The following PPM1H variants were observed in gnomAD, a reference collection of about 807,000 sequenced individuals.
The protein encoded by PPM1H is protein phosphatase, Mg2+/Mn2+ dependent 1H.
Under a neutral mutation model 54.9 loss-of-function variants are expected in PPM1H, and 27 were observed. That is an observed-to-expected ratio of 0.49 (90% CI 0.36 to 0.68). The LOEUF (loss-of-function observed/expected upper bound fraction) is 0.68, where lower values mean the gene tolerates loss of function less well. Ranked by LOEUF, PPM1H falls within the 30% of genes least tolerant of loss-of-function variation. The pLI, the probability that PPM1H is intolerant of heterozygous loss-of-function variation, is 0.00. For missense variants in PPM1H, 596 were observed against 667.8 expected, an observed-to-expected ratio of 0.89 and a Z score of 1.19; for synonymous variants, 305 against 270.8, an observed-to-expected ratio of 1.13 and a Z score of -1.24.
intron 6 of PPM1H, among the ~76,000 whole-genome samples, chr12:62,705,807 T>C (rs1006969225): frequency 1.3e-5 from 2 of 152,242 alleles, no homozygotes; most frequent in African/African-American, 2.4e-5. Flanking sequence ...ATGAATTTCA[T>C]TGACATTCCC....
intron 8 of PPM1H, among the ~76,000 whole-genome samples, chr12:62,672,392 T>C (rs1186718266): frequency 6.6e-6 from 1 of 152,230 alleles, no homozygotes; most frequent in Non-Finnish European, 1.5e-5. Context: ...ACCGCTGGCA[T>C]CTTTGTTATC....
intron 4 of PPM1H, among the ~76,000 whole-genome samples, chr12:62,739,888 ACACT>A (rs1413051154): frequency 1.3e-5 from 2 of 152,234 alleles, no homozygotes; most frequent in African/African-American, 4.8e-5. Context: ...CTTCAGCTAG[ACACT>A]CACTGCTCCT....
intron 8 of PPM1H, among the ~76,000 whole-genome samples, chr12:62,670,976 A>G (rs1202210358): frequency 6.6e-6 from 1 of 152,176 alleles, no homozygotes; most frequent in Admixed American, 6.5e-5. Context: ...AAATGTTTTC[A>G]GAAGAATTGG....
intron 1 of PPM1H, among the ~76,000 whole-genome samples, chr12:62,907,518 C>A (rs771988): frequency 0.33 from 49,783 of 151,916 alleles, 9,799 homozygotes; most frequent in Non-Finnish European, 0.45. Flanking sequence ...TACCTGTCAG[C>A]GGTTCTTTCT....
intron 4 of PPM1H, among the ~76,000 whole-genome samples, chr12:62,742,492 C>T (rs535882797): frequency 1.3e-5 from 2 of 152,168 alleles, no homozygotes; most frequent in East Asian, 1.9e-4. Context: ...TCAAACGGAA[C>T]GAAATGCATG....
chr12:62,761,236 G>C (rs958801186), intron 4 of PPM1H, among the ~76,000 whole-genome samples: 1 of 152,186 alleles, frequency 6.6e-6, no homozygotes, highest in Non-Finnish European at 1.5e-5. Context: ...GGGATCAGAA[G>C]TTCATATCCA....
At chr12:62,840,955 G>C (rs574058026) in intron 1 of PPM1H, among the ~76,000 whole-genome samples, 96 of 152,112 alleles carry the variant, frequency 6.3e-4, no homozygotes, top group African/African-American at 2.1e-3. Context: ...GTTGTGAACC[G>C]AACAATGGCT....
intron 9 of PPM1H, among the ~76,000 whole-genome samples, chr12:62,655,620 T>G (rs376326655): frequency 4.6e-5 from 7 of 152,212 alleles, no homozygotes; most frequent in Non-Finnish European, 8.8e-5. Flanking sequence ...GCATAAAATA[T>G]CCAAGAGAGC....
At chr12:62,810,800 A>C (rs920581560) in intron 2 of PPM1H, among the ~76,000 whole-genome samples, 1 of 152,190 alleles carries the variant, frequency 6.6e-6, no homozygotes, top group Non-Finnish European at 1.5e-5. Flanking sequence ...GAAGTTACTT[A>C]ACTTCTCTCA....
At chr12:62,848,919 G>A (rs1288551832) in intron 1 of PPM1H, among the ~76,000 whole-genome samples, 1 of 151,912 alleles carries the variant, frequency 6.6e-6, no homozygotes, top group Admixed American at 6.6e-5. Context: ...GGACAAGGGG[G>A]ACTGGGGACT....
chr12:62,652,000 T>C (rs1172282899), intron 9 of PPM1H, among the ~76,000 whole-genome samples: 1 of 152,222 alleles, frequency 6.6e-6, no homozygotes, highest in African/African-American at 2.4e-5. Flanking sequence ...TGCTCCTTCT[T>C]AATTTCCTTT....
Position 62,831,759 on chromosome 12 carries a change from G to GTGTA in PPM1H, c.411+354_411+355insTACA, listed in dbSNP as rs1555199923. On this transcript the variant is annotated intron_variant, in intron 2 of 9. Coordinates refer to ENST00000228705, the MANE Select transcript of PPM1H (RefSeq NM_020700.2). The stretch of plus-strand genomic sequence containing the variant: ...TGTGTGTATACGTATATATATTCGT[G>GTGTA]TATATATATATACACACATATATAT... 4.4e-3 allele frequency among the ~76,000 whole-genome samples: 659 copies of GTGTA among 148,230 alleles called. 6 individuals are homozygous for GTGTA. Among genetic ancestry groups the GTGTA allele is most frequent in the African/African-American group, 0.016 (635 of 40,034 alleles).
intron 1 of PPM1H, among the ~76,000 whole-genome samples, 172 bp from the exon 2 acceptor site, chr12:62,832,451 T>C (rs1868381305): frequency 6.6e-6 from 1 of 152,240 alleles, no homozygotes; most frequent in Admixed American, 6.5e-5. Context: ...ATGAAAATTT[T>C]TTAATGGCAT....
At chr12:62,797,744 GA>G (rs2076743084) in intron 3 of PPM1H, among the ~76,000 whole-genome samples, 1 of 152,212 alleles carries the variant, frequency 6.6e-6, no homozygotes. Context: ...TGTGGATTCT[GA>G]AGCTCACCTT....
At chr12:62,878,145 A>G (rs1304376747) in intron 1 of PPM1H, among the ~76,000 whole-genome samples, 7 of 152,152 alleles carry the variant, frequency 4.6e-5, no homozygotes, top group African/African-American at 1.7e-4. Context: ...TGATCCACCC[A>G]CCTCGGCCTC....
intron 1 of PPM1H, among the ~76,000 whole-genome samples, chr12:62,885,850 T>C (rs1870568666): frequency 6.6e-6 from 1 of 152,254 alleles, no homozygotes; most frequent in African/African-American, 2.4e-5. Flanking sequence ...TTCTGGCTTA[T>C]GTTGCTATGT....
At chr12:62,867,261 T>C (rs1046105169) in intron 1 of PPM1H, among the ~76,000 whole-genome samples, 3 of 152,218 alleles carry the variant, frequency 2.0e-5, no homozygotes, top group African/African-American at 7.2e-5. Context: ...TTTATCTCCA[T>C]GGTCCTCACT....
At chr12:62,672,074 T>C (rs534835789) in intron 8 of PPM1H, among the ~76,000 whole-genome samples, 55 of 152,292 alleles carry the variant, frequency 3.6e-4, no homozygotes, top group African/African-American at 1.3e-3. Context: ...ACTTAACACC[T>C]GGTTCACTGA....
intron 4 of PPM1H, among the ~76,000 whole-genome samples, chr12:62,777,524 AT>A (rs2076618143): frequency 6.6e-6 from 1 of 152,238 alleles, no homozygotes; most frequent in South Asian, 2.1e-4. Flanking sequence ...ACTATGTAAT[AT>A]ATGCACGATG....
Sources: gnomAD v4.1 joint callset for allele counts (sites outside exome capture counted in the v4.1 genomes callset) on GRCh38, gnomAD v4.1.1 for gene constraint, MANE v1.5 for transcripts, NCBI Gene and HGNC (gene_info 2026-07-23, HGNC 2026-07-21) for gene names.